The following JAZF1 variants were observed in gnomAD, a reference collection of about 807,000 sequenced individuals.
JAZF1 encodes the protein JAZF zinc finger 1.
In JAZF1, 8 loss-of-function variants were observed where a neutral mutation model predicts 26.4. That is an observed-to-expected ratio of 0.30 (90% confidence interval 0.18 to 0.55). The LOEUF (loss-of-function observed/expected upper bound fraction) is 0.55. Ranked by LOEUF, JAZF1 falls within the 20% of genes least tolerant of loss-of-function variation. The pLI is 0.94. For synonymous variants in JAZF1, 126 were observed against 122.3 expected (o/e 1.03, Z -0.20); for missense variants, 199 against 322.0 (o/e 0.62, Z 2.92).
chr7:27,918,621 T>C (rs983932036), intron 2 of JAZF1, among the ~76,000 whole-genome samples: 3 of 152,216 alleles, frequency 2.0e-5, no homozygotes, highest in Non-Finnish European at 2.9e-5. Flanking sequence ...CAGGCAGTTA[T>C]TGAGCACATA....
chr7:28,137,586 G>T (rs982957031), intron 1 of JAZF1, among the ~76,000 whole-genome samples: 1 of 152,128 alleles, frequency 6.6e-6, no homozygotes, highest in Non-Finnish European at 1.5e-5. Context: ...CCTCCACAGG[G>T]TGCGCTCTTG....
At chr7:27,909,002 T>TATTC (rs71555720) in intron 2 of JAZF1, among the ~76,000 whole-genome samples, 48,768 of 151,004 alleles carry the variant, frequency 0.32, 8,138 homozygotes, top group Admixed American at 0.42. Context: ...ACTTGAATAA[T>TATTC]ATTCATTCAT....
intron 3 of JAZF1, among the ~76,000 whole-genome samples, chr7:27,857,284 C>A (rs529660953): frequency 1.3e-5 from 2 of 152,196 alleles, no homozygotes; most frequent in African/African-American, 4.8e-5. Flanking sequence ...CTGGGGCTTG[C>A]GGGCTGGCTG....
chr7:27,855,280 T>C (rs958564380), intron 3 of JAZF1, among the ~76,000 whole-genome samples: 2 of 152,036 alleles, frequency 1.3e-5, no homozygotes, highest in Non-Finnish European at 1.5e-5. Flanking sequence ...GCAGGAAAGA[T>C]CTGAAAGTGA....
At chr7:28,144,939 T>C (rs1328616585) in intron 1 of JAZF1, among the ~76,000 whole-genome samples, 2 of 152,216 alleles carry the variant, frequency 1.3e-5, no homozygotes, top group Non-Finnish European at 2.9e-5. Context: ...TTAATTTTGG[T>C]TGGACTTTTT....
chr7:28,105,181 T>C (rs561887177), intron 1 of JAZF1, among the ~76,000 whole-genome samples: 2 of 152,274 alleles, frequency 1.3e-5, no homozygotes, highest in South Asian at 4.1e-4. Flanking sequence ...AACTCTCCTC[T>C]CAATGCCAAA....
chr7:27,913,292 TTTG>T, intron 2 of JAZF1: 1 of 306,222 alleles, frequency 3.3e-6, no homozygotes, highest in Non-Finnish European at 6.5e-6. Flanking sequence ...TATATATATA[TTTG>T]TGTGTGTGTG....
At chr7:28,063,743 A>G (rs1328751073) in intron 1 of JAZF1, among the ~76,000 whole-genome samples, 1 of 152,168 alleles carries the variant, frequency 6.6e-6, no homozygotes, top group Non-Finnish European at 1.5e-5. Flanking sequence ...GTTTCTTGGT[A>G]ATAGAAACAA....
chr7:28,134,578 G>C (rs905591348), intron 1 of JAZF1, among the ~76,000 whole-genome samples: 1 of 151,400 alleles, frequency 6.6e-6, no homozygotes, highest in Non-Finnish European at 1.5e-5. Flanking sequence ...CTCCCAAAGT[G>C]CTGGGATTAC....
At chr7:27,911,806 A>G (rs1003362375) in intron 2 of JAZF1, among the ~76,000 whole-genome samples, 1 of 150,472 alleles carries the variant, frequency 6.6e-6, no homozygotes, top group Non-Finnish European at 1.5e-5. Flanking sequence ...AGCAGGGAAA[A>G]GGAGGCAAAG....
chr7:28,018,567 G>C (rs145891261), intron 1 of JAZF1, among the ~76,000 whole-genome samples: 75 of 152,256 alleles, frequency 4.9e-4, no homozygotes, highest in Non-Finnish European at 5.6e-4. Context: ...AAGTGTTGCA[G>C]ATTAAGGGAA....
intron 2 of JAZF1, among the ~76,000 whole-genome samples, chr7:27,924,177 C>G (rs912155096): frequency 5.9e-5 from 9 of 152,192 alleles, no homozygotes; most frequent in African/African-American, 2.2e-4. Context: ...CTCCCTTGTT[C>G]AAGCAATTCT....
chr7:27,996,660 G>C (rs1474302409), intron 1 of JAZF1, among the ~76,000 whole-genome samples: 1 of 152,188 alleles, frequency 6.6e-6, no homozygotes, highest in Non-Finnish European at 1.5e-5. Flanking sequence ...AACATTCCGT[G>C]TGGAGTTTGC....
At chr7:27,982,674 G>A (rs2128362580) in intron 2 of JAZF1, among the ~76,000 whole-genome samples, 1 of 152,256 alleles carries the variant, frequency 6.6e-6, no homozygotes, top group Non-Finnish European at 1.5e-5. Context: ...CCTGACCCCC[G>A]AGTATCCTAA....
chr7:28,042,968 CTG>C (rs1201283165), intron 1 of JAZF1, among the ~76,000 whole-genome samples: 3 of 152,288 alleles, frequency 2.0e-5, no homozygotes, highest in Admixed American at 1.3e-4. Context: ...TGATATATGA[CTG>C]TATTCTACTA....
intron 2 of JAZF1, among the ~76,000 whole-genome samples, chr7:27,908,641 C>A (rs1392284052): frequency 6.6e-6 from 1 of 152,142 alleles, no homozygotes; most frequent in Admixed American, 6.5e-5. Flanking sequence ...TCCAAAAAAA[C>A]AGGACAGTCA....
intron 1 of JAZF1, among the ~76,000 whole-genome samples, chr7:28,017,226 C>T (rs972820090): frequency 6.6e-6 from 1 of 151,838 alleles, no homozygotes; most frequent in African/African-American, 2.4e-5. Context: ...TGGTGGGTGC[C>T]TGTAATCCCA....
At chr7:27,945,143 A>T (rs28709865) in intron 2 of JAZF1, among the ~76,000 whole-genome samples, 3,398 of 152,042 alleles carry the variant, frequency 0.022, 112 homozygotes, top group African/African-American at 0.07. Flanking sequence ...ATTTTTTTTT[A>T]AAAAAATCTT....
At chr7:28,071,995 A>G (rs932718086) in intron 1 of JAZF1, among the ~76,000 whole-genome samples, 2 of 152,368 alleles carry the variant, frequency 1.3e-5, no homozygotes, top group East Asian at 3.9e-4. Context: ...TGTAAGTTTA[A>G]CATCGTAGTA....
Sources: gnomAD v4.1 joint callset for allele counts (sites outside exome capture counted in the v4.1 genomes callset) on GRCh38, gnomAD v4.1.1 for gene constraint, MANE v1.5 for transcripts, NCBI Gene and HGNC (gene_info 2026-07-23, HGNC 2026-07-21) for gene names.